EIF4G3: variants seen among roughly 807,000 people sequenced by gnomAD.
EIF4G3 encodes eukaryotic translation initiation factor 4 gamma 3, also known as eIF-4-gamma 3.
Under a neutral mutation model 186.4 loss-of-function variants are expected in EIF4G3, and 34 were observed. That is an observed-to-expected ratio of 0.18 (90% CI 0.14 to 0.24). The LOEUF is 0.24. EIF4G3 is among the 10% of genes least tolerant of loss of function. The probability of loss-of-function intolerance (pLI) is 1.00; values close to 1 mark genes in which losing one functional copy is unlikely to be tolerated. For synonymous variants in EIF4G3, 673 were observed against 679.5 expected, an observed-to-expected ratio of 0.99 and a Z score of 0.15; for missense variants, 1,536 against 1,948.5, an observed-to-expected ratio of 0.79 and a Z score of 3.99.
chr1:21,098,796 C>T (rs2096449428), intron 2 of EIF4G3, among the ~76,000 whole-genome samples: 1 of 151,916 alleles, frequency 6.6e-6, no homozygotes, highest in Non-Finnish European at 1.5e-5. Context: ...GCCACCATGC[C>T]CAGCTAATTT....
At chr1:20,899,027 G>A (rs1227542256) in intron 16 of EIF4G3, among the ~76,000 whole-genome samples, 2 of 152,144 alleles carry the variant, frequency 1.3e-5, no homozygotes, top group Non-Finnish European at 2.9e-5. Context: ...ACCGCACCCA[G>A]CCCAAACTTT....
chr1:21,140,155 T>C (rs929336336), intron 2 of EIF4G3, among the ~76,000 whole-genome samples: 5 of 152,222 alleles, frequency 3.3e-5, no homozygotes, highest in Non-Finnish European at 5.9e-5. Context: ...GAAAATACAG[T>C]ATTCTCTAGA....
intron 4 of EIF4G3, among the ~76,000 whole-genome samples, chr1:21,010,920 A>G (rs900952938): frequency 6.6e-6 from 1 of 152,208 alleles, no homozygotes; most frequent in African/African-American, 2.4e-5. Context: ...GCTACTGATT[A>G]TCACAGTGTG....
At chr1:20,944,002 G>T (rs1467408052) in intron 13 of EIF4G3, among the ~76,000 whole-genome samples, 1 of 148,740 alleles carries the variant, frequency 6.7e-6, no homozygotes, top group African/African-American at 2.5e-5. Flanking sequence ...GTGTGTGTGT[G>T]TGTGTGTGTG....
At chr1:20,823,323 A>C (rs2062841657) in intron 33 of EIF4G3, among the ~76,000 whole-genome samples, 1 of 152,134 alleles carries the variant, frequency 6.6e-6, no homozygotes, top group African/African-American at 2.4e-5. Flanking sequence ...CTAACATATT[A>C]ACATATCTTA....
At chr1:20,864,437 G>A in intron 22 of EIF4G3, 39 bp downstream of exon 22, 2 of 1,460,230 alleles carry the variant, frequency 1.4e-6, no homozygotes, top group Non-Finnish European at 9.6e-7. Context: ...CAACTGACAA[G>A]GAGCCTTTGC....
intron 20 of EIF4G3, among the ~76,000 whole-genome samples, chr1:20,870,202 T>C (rs1315058834): frequency 6.6e-6 from 1 of 152,086 alleles, no homozygotes; most frequent in Non-Finnish European, 1.5e-5. Flanking sequence ...TTATTTTTTA[T>C]GGGATTTAAC....
At chr1:21,024,331 C>A (rs1433342018) in intron 4 of EIF4G3, among the ~76,000 whole-genome samples, 1 of 152,102 alleles carries the variant, frequency 6.6e-6, no homozygotes, top group Non-Finnish European at 1.5e-5. Flanking sequence ...GCCGCCCCGA[C>A]CGTGAGGGAG....
intron 36 of EIF4G3, 102 bp from the exon 37 acceptor site, chr1:20,807,602 TCCCC>T: frequency 5.6e-6 from 6 of 1,070,502 alleles, no homozygotes; most frequent in Non-Finnish European, 7.6e-6. Context: ...GTGCATTAAT[TCCCC>T]CAGAAAAAAG....
chr1:20,842,859 T>TA (rs999266762), intron 29 of EIF4G3, among the ~76,000 whole-genome samples: 10 of 150,996 alleles, frequency 6.6e-5, no homozygotes, highest in African/African-American at 2.4e-4. Context: ...TTTTTTTTTT[T>TA]AAAGAGAGAA....
intron 19 of EIF4G3, among the ~76,000 whole-genome samples, chr1:20,882,666 G>GTATAGTGGTCCATGCC: frequency 6.6e-6 from 1 of 151,856 alleles, no homozygotes. Context: ...AATTAGCCAG[G>GTATAGTGGTCCATGCC]TATAGTGGTC....
At chr1:21,116,610 G>T (rs899903698) in intron 2 of EIF4G3, among the ~76,000 whole-genome samples, 2 of 151,960 alleles carry the variant, frequency 1.3e-5, no homozygotes, top group Non-Finnish European at 2.9e-5. Flanking sequence ...GGCTGAGGGG[G>T]GTGCGGATCA....
chr1:21,093,497 TTGG>T (rs35293606), intron 2 of EIF4G3, among the ~76,000 whole-genome samples: 43,620 of 151,842 alleles, frequency 0.29, 7,954 homozygotes, highest in Non-Finnish European at 0.41. Flanking sequence ...TTTTACACTG[TTGG>T]TGGGACGGTA....
intron 3 of EIF4G3, among the ~76,000 whole-genome samples, chr1:21,058,504 C>G (rs1352886556): frequency 6.6e-6 from 1 of 151,872 alleles, no homozygotes; most frequent in African/African-American, 2.4e-5. Flanking sequence ...ATCTCATGAT[C>G]ATCATCAAAT....
intron 33 of EIF4G3, among the ~76,000 whole-genome samples, chr1:20,819,499 C>G (rs2061797179): frequency 6.6e-6 from 1 of 150,656 alleles, no homozygotes; most frequent in Non-Finnish European, 1.5e-5. Flanking sequence ...GCTCTTTTGC[C>G]CGGGTTGCAG....
intron 7 of EIF4G3, among the ~76,000 whole-genome samples, chr1:20,982,934 C>G (rs2078623322): frequency 6.6e-6 from 1 of 152,144 alleles, no homozygotes; most frequent in South Asian, 2.1e-4. Context: ...ACTTATAGCT[C>G]TAAAATGGAG....
intron 2 of EIF4G3, among the ~76,000 whole-genome samples, chr1:21,101,340 G>C (rs2096514483): frequency 6.6e-6 from 1 of 151,880 alleles, no homozygotes; most frequent in African/African-American, 2.4e-5. Context: ...GGCTGAGGTG[G>C]GCAGATCACT....
At chr1:21,016,658 TA>T (rs200243524) in intron 4 of EIF4G3, among the ~76,000 whole-genome samples, 4 of 144,664 alleles carry the variant, frequency 2.8e-5, no homozygotes, top group Non-Finnish European at 6.1e-5. Flanking sequence ...GACCCTGTCT[TA>T]AAAAAAAACA....
intron 12 of EIF4G3, among the ~76,000 whole-genome samples, chr1:20,958,026 A>G (rs2096480785): frequency 1.3e-5 from 2 of 152,086 alleles, no homozygotes; most frequent in Non-Finnish European, 2.9e-5. Context: ...TGGGAAAGAG[A>G]GAATCCTCCC....
Sources: allele counts gnomAD v4.1 joint callset (sites outside exome capture counted in the v4.1 genomes callset), GRCh38; gene constraint gnomAD v4.1.1; transcripts MANE v1.5; gene names NCBI Gene and HGNC (gene_info 2026-07-23, HGNC 2026-07-21).